The following KDM4C variants were observed in gnomAD, a reference collection of about 807,000 sequenced individuals.
KDM4C encodes lysine-specific demethylase 4C.
KDM4C carries 81 observed loss-of-function variants against 129.3 expected under a neutral mutation model. The observed-to-expected ratio is 0.63, with a 90% CI of 0.52 to 0.75. The LOEUF (loss-of-function observed/expected upper bound fraction) is 0.75. Ranked by LOEUF, KDM4C falls within the 30% of genes least tolerant of loss-of-function variation. KDM4C has a pLI of 0.00. For synonymous variants in KDM4C, 573 were observed against 456.1 expected (o/e 1.26, Z -3.26); for missense variants, 1,457 against 1,304.0 (o/e 1.12, Z -1.81).
intron 12 of KDM4C, among the ~76,000 whole-genome samples, chr9:6,992,669 A>G (rs1040775309): frequency 6.6e-6 from 1 of 152,240 alleles, no homozygotes; most frequent in Admixed American, 6.5e-5. Context: ...AATAAACATT[A>G]TCATTGTTAG....
chr9:6,890,521 A>T (rs1411483841), intron 7 of KDM4C, among the ~76,000 whole-genome samples: 2 of 152,162 alleles, frequency 1.3e-5, no homozygotes, highest in Non-Finnish European at 2.9e-5. Context: ...TTTAGATTAT[A>T]TCCACTCTCT....
chr9:7,091,937 CTGTTTCCTGAAGTGTTATT>C (rs758990016), intron 17 of KDM4C, among the ~76,000 whole-genome samples: 6 of 152,214 alleles, frequency 3.9e-5, no homozygotes, highest in Non-Finnish European at 8.8e-5. Flanking sequence ...CTTCTCTGCG[CTGTTTCCTGAAGTGTTATT>C]TGTTTAACGT....
intron 19 of KDM4C, among the ~76,000 whole-genome samples, chr9:7,145,557 C>T (rs961545029): frequency 3.9e-5 from 6 of 152,230 alleles, no homozygotes; most frequent in African/African-American, 1.4e-4. Flanking sequence ...CTCTGCCATA[C>T]CTCTGGTGAG....
At chr9:7,087,409 T>C (rs1232722480) in intron 17 of KDM4C, among the ~76,000 whole-genome samples, 1 of 152,200 alleles carries the variant, frequency 6.6e-6, no homozygotes, top group Non-Finnish European at 1.5e-5. Flanking sequence ...AATAAAAATA[T>C]ACTTTTTTCT....
chr9:6,792,265 C>CCTGGGA (rs1300734098), intron 1 of KDM4C, among the ~76,000 whole-genome samples: 28 of 151,596 alleles, frequency 1.8e-4, no homozygotes, highest in Non-Finnish European at 3.5e-4. Context: ...ATCGCTTGAA[C>CCTGGGA]CTGGGAGGTG....
At chr9:6,887,110 C>T (rs1259606656) in intron 6 of KDM4C, among the ~76,000 whole-genome samples, 2 of 152,204 alleles carry the variant, frequency 1.3e-5, no homozygotes, top group African/African-American at 4.8e-5. Flanking sequence ...CTCCATGATT[C>T]TCTGTCTTTT....
chr9:7,038,486 G>A (rs1828021261), intron 15 of KDM4C, among the ~76,000 whole-genome samples: 1 of 152,060 alleles, frequency 6.6e-6, no homozygotes. Flanking sequence ...CCCAGTGGCT[G>A]TGGATTTACC....
At chr9:7,076,391 A>T (rs1437445313) in intron 17 of KDM4C, 1 of 1,349,796 alleles carries the variant, frequency 7.4e-7, no homozygotes. Context: ...ATTTATTAAA[A>T]TCTGGCATAT....
intron 8 of KDM4C, among the ~76,000 whole-genome samples, chr9:6,930,688 AATT>A (rs1209703490): frequency 2.0e-5 from 2 of 101,000 alleles, no homozygotes; most frequent in East Asian, 2.2e-4. Flanking sequence ...ATAATATATT[AATT>A]ATTAACATAT....
At chr9:7,007,978 A>G (rs1358573129) in intron 12 of KDM4C, among the ~76,000 whole-genome samples, 2 of 152,186 alleles carry the variant, frequency 1.3e-5, no homozygotes, top group African/African-American at 2.4e-5. Flanking sequence ...ACAACTATCA[A>G]TGCTCAAAAA....
In KDM4C at chr9:7,046,104, C is replaced by T. The variant is rs148940980; in HGVS notation, c.2260-758C>T. Among the ~76,000 whole-genome samples the T allele has an allele frequency of 9.0e-3, 1,368 of 152,076 alleles. 14 individuals carry two copies. Among genetic ancestry groups the T allele is most frequent in the Non-Finnish European group, 0.014 (977 of 67,950 alleles). On this transcript the variant is annotated intron_variant, in intron 15 of 21. Coordinates refer to ENST00000381309, the MANE Select transcript of KDM4C (RefSeq NM_015061.6). ...AGAAGGCAGTGCACTGCTCTCTGGTCCTCCTTTTCCTGGTCTTTTTCATGA... is the reference window on the plus strand; with the variant it reads ...AGAAGGCAGTGCACTGCTCTCTGGTTCTCCTTTTCCTGGTCTTTTTCATGA...
intron 17 of KDM4C, among the ~76,000 whole-genome samples, chr9:7,066,040 C>A (rs546805184): frequency 6.6e-6 from 1 of 150,474 alleles, no homozygotes; most frequent in East Asian, 1.9e-4. Flanking sequence ...AAAAATATTT[C>A]TGTCACAAAG....
At chr9:6,983,213 A>G (rs1433500932) in intron 9 of KDM4C, among the ~76,000 whole-genome samples, 2 of 152,120 alleles carry the variant, frequency 1.3e-5, no homozygotes, top group Admixed American at 6.5e-5. Flanking sequence ...CTGACTTCCT[A>G]CAGTGCTTAG....
chr9:6,879,785 C>A (rs1442888761), intron 5 of KDM4C, among the ~76,000 whole-genome samples: 12 of 152,078 alleles, frequency 7.9e-5, no homozygotes, highest in African/African-American at 2.9e-4. Flanking sequence ...ATGTGGTTGG[C>A]ATGATGAGTT....
In KDM4C at chr9:6,744,457, G is replaced by A. The variant is rs576975962; in HGVS notation, c.49+23460G>A. Among the ~76,000 whole-genome samples, 256 of 152,164 alleles carry A rather than the reference G, an allele frequency of 1.7e-3. 3 individuals carry two copies. Among genetic ancestry groups the A allele is most frequent in the Non-Finnish European group, 1.1e-3 (77 of 68,004 alleles). ...GGAGAATTGCTTGAACCTGGGAGGC[G>A]GAGGTTGCAGTGAGCTGAGATCGCA... On this transcript the variant is annotated intron_variant, in intron 1 of 17. Transcript: ENST00000536108.
At chr9:6,831,910 C>G (rs946937567) in intron 4 of KDM4C, among the ~76,000 whole-genome samples, 2 of 152,136 alleles carry the variant, frequency 1.3e-5, no homozygotes, top group Non-Finnish European at 2.9e-5. Flanking sequence ...ATTGCTCTTT[C>G]AATTAAATGA....
intron 17 of KDM4C, among the ~76,000 whole-genome samples, chr9:7,070,739 A>G (rs747869950): frequency 1.3e-5 from 2 of 152,184 alleles, no homozygotes; most frequent in Admixed American, 6.5e-5. Context: ...AAAAAAACCT[A>G]CTGCGAACAT....
At chr9:6,913,988 A>G (rs1322118511) in intron 8 of KDM4C, among the ~76,000 whole-genome samples, 7 of 152,122 alleles carry the variant, frequency 4.6e-5, no homozygotes, top group Non-Finnish European at 1.5e-5. Context: ...TTCTTTTTCA[A>G]TTCTGTTCCA....
intron 15 of KDM4C, among the ~76,000 whole-genome samples, chr9:7,029,681 TC>T (rs1826402815): frequency 6.6e-6 from 1 of 152,226 alleles, no homozygotes; most frequent in African/African-American, 2.4e-5. Flanking sequence ...GATGTTTCTC[TC>T]CAGGAAATTT....
Sources: allele counts gnomAD v4.1 joint callset (sites outside exome capture counted in the v4.1 genomes callset), GRCh38; gene constraint gnomAD v4.1.1; transcripts MANE v1.5; gene names NCBI Gene and HGNC (gene_info 2026-07-23, HGNC 2026-07-21).